The following TMEM266 variants were observed in gnomAD, a reference collection of about 807,000 sequenced individuals.
TMEM266 encodes the protein transmembrane protein 266, also known as Hv1 related protein 1.
TMEM266 carries 33 observed loss-of-function variants against 50.5 expected under a neutral mutation model. The observed-to-expected ratio is 0.65, with a 90% CI of 0.50 to 0.87. TMEM266 has a LOEUF of 0.87. TMEM266 is among the 40% of genes least tolerant of loss of function. TMEM266 has a pLI of 0.00. For missense variants in TMEM266, 655 were observed against 695.1 expected (o/e 0.94, Z 0.65); for synonymous variants, 310 against 292.3 (o/e 1.06, Z -0.62).
At chr15:76,158,772 C>G (rs2037966269) in intron 4 of TMEM266, among the ~76,000 whole-genome samples, 1 of 152,192 alleles carries the variant, frequency 6.6e-6, no homozygotes, top group African/African-American at 2.4e-5. Context: ...CCTCTTCGTT[C>G]CCACTGGTAT....
intron 8 of TMEM266, chr15:76,175,916 C>G (rs1212307989): frequency 8.3e-5 from 33 of 399,514 alleles, no homozygotes; most frequent in Non-Finnish European, 4.6e-6. Context: ...TCCACTGTAG[C>G]ACGGTGACTC....
At position 76,132,755 on chromosome 15, in the gene TMEM266, A is replaced by T. The variant is rs978357732; in HGVS notation, c.-96-1413A>T. Among the ~76,000 whole-genome samples, 14 of 150,906 alleles carry T rather than the reference A, an allele frequency of 9.3e-5. 1 individual carries two copies. The highest frequency in any genetic ancestry group is 3.4e-4 in the African/African-American group (14 of 41,146). ...GGTTGCAGTGAGCCAAAATTGCGCC[A>T]CTGCACTCCAGCCTGGGAGATAGAG... is the stretch of plus-strand genomic sequence containing the variant. On this transcript the variant is annotated intron_variant, in intron 1 of 10. Coordinates refer to ENST00000388942, the MANE Select transcript of TMEM266 (RefSeq NM_152335.3).
chr15:76,134,122 T>C, intron 1 of TMEM266, 46 bp from the exon 2 acceptor site: 1 of 804,484 alleles, frequency 1.2e-6, no homozygotes, highest in Non-Finnish European at 2.0e-6. Context: ...TTAGGAGGAC[T>C]TTGGTTTGGC....
In TMEM266 at chr15:76,185,906, A is replaced by AT. The variant is rs1169665207; in HGVS notation, c.769-6060dup. On this transcript the variant is annotated intron_variant, in intron 8 of 10. Coordinates refer to ENST00000388942, the MANE Select transcript of TMEM266 (RefSeq NM_152335.3). ...GGAATTCAGTGAGTCCATTTGCCTT[A>AT]TTGGACACACAGTGAAACCAAGGCC... Among the ~76,000 whole-genome samples, 8 of 152,256 alleles carry AT rather than the reference A, an allele frequency of 5.3e-5. No homozygotes were observed. In the East Asian group the frequency reaches 1.5e-3, roughly 29 times the overall value.
At chr15:76,170,227 T>G (rs973371124) in intron 6 of TMEM266, among the ~76,000 whole-genome samples, 2 of 152,222 alleles carry the variant, frequency 1.3e-5, no homozygotes, top group Non-Finnish European at 2.9e-5. Flanking sequence ...CTTCTCAGGC[T>G]GGGTTTCCGT....
At chr15:76,086,240 CATT>C (rs1369471568) in intron 1 of TMEM266, among the ~76,000 whole-genome samples, 1 of 152,114 alleles carries the variant, frequency 6.6e-6, no homozygotes, top group East Asian at 1.9e-4. Context: ...GAGTCTCAGA[CATT>C]ATGTTGAGCT....
intron 8 of TMEM266, chr15:76,191,499 G>T: frequency 6.5e-6 from 1 of 153,580 alleles, no homozygotes. Context: ...GTTCAGACCA[G>T]CGGGCAGTGA....
intron 1 of TMEM266, among the ~76,000 whole-genome samples, chr15:76,079,527 C>T (rs533187589): frequency 2.7e-5 from 4 of 150,606 alleles, no homozygotes; most frequent in East Asian, 2.0e-4. Flanking sequence ...TGGTGGCTCA[C>T]GCCTGTAGTC....
At position 76,192,154 on chromosome 15, in the gene TMEM266, C is replaced by T; in HGVS notation, c.955C>T (p.Gln319Ter). The stretch of plus-strand genomic sequence containing the variant: ...CGTCGTGGAGGAGCTGCAGCCCTCG[C>T]AAGGTAAGCCCGGGTCTCCACCCGG... The change falls in exon 9 of 11, where the codon CAA becomes TAA. Residue 319 changes from glutamine to a stop codon, truncating the protein, a stop_gained. Transcript: ENST00000388942. LOFTEE classifies it high-confidence loss of function. 1 of 1,399,404 alleles carries T rather than the reference C, an allele frequency of 7.1e-7. No homozygotes were observed. The allele number at this position is 1,399,404 out of a possible 1,614,324, so 86.7% of individuals were successfully genotyped here. A position where few individuals can be genotyped will look rare whatever the true frequency, so the allele number is the denominator to read the frequency against.
At chr15:76,194,286 G>A (rs1483319335) in intron 9 of TMEM266, among the ~76,000 whole-genome samples, 2 of 152,174 alleles carry the variant, frequency 1.3e-5, no homozygotes, top group African/African-American at 2.4e-5. Flanking sequence ...ACAACCCATC[G>A]CCAATTCCTG....
intron 5 of TMEM266, among the ~76,000 whole-genome samples, chr15:76,169,111 T>C (rs2038145902): frequency 6.6e-6 from 1 of 152,196 alleles, no homozygotes; most frequent in Non-Finnish European, 1.5e-5. Flanking sequence ...ATCACACTTA[T>C]GCACCCAATT....
intron 1 of TMEM266, among the ~76,000 whole-genome samples, chr15:76,089,093 CA>C (rs1213055800): frequency 4.6e-4 from 21 of 45,236 alleles, no homozygotes; most frequent in East Asian, 4.5e-3. Flanking sequence ...GACTCTGTCT[CA>C]AAAAAAAAAA....
intron 1 of TMEM266, among the ~76,000 whole-genome samples, chr15:76,106,055 A>G (rs1167239574): frequency 1.3e-5 from 2 of 152,158 alleles, no homozygotes; most frequent in African/African-American, 4.8e-5. Context: ...TCCCAGATGC[A>G]CAGGCCCCCA....
intron 1 of TMEM266, among the ~76,000 whole-genome samples, chr15:76,067,559 G>A (rs894588722): frequency 2.7e-5 from 4 of 150,134 alleles, no homozygotes; most frequent in African/African-American, 9.8e-5. Context: ...CTTGAACCCT[G>A]GAGGCGGAGG....
intron 1 of TMEM266, among the ~76,000 whole-genome samples, chr15:76,132,813 AATTATTATTATTATTATT>A (rs58869632): frequency 7.4e-6 from 1 of 135,024 alleles, no homozygotes; most frequent in Admixed American, 7.7e-5. Flanking sequence ...TAATAATAGT[AATTATTATTATTATTATT>A]ATTATTATTA....
chr15:76,111,021 A>C (rs1424745143), intron 1 of TMEM266, among the ~76,000 whole-genome samples: 1 of 151,978 alleles, frequency 6.6e-6, no homozygotes, highest in Non-Finnish European at 1.5e-5. Context: ...AGGAACTCTC[A>C]TTCACTGCTG....
In TMEM266 at chr15:76,137,720, G is replaced by C; in HGVS notation, c.52G>C (p.Gly18Arg). 1 of 1,614,136 alleles carries C rather than the reference G, an allele frequency of 6.2e-7. No individual in the cohort carries two copies. Among genetic ancestry groups the C allele is most frequent in the Non-Finnish European group, 8.5e-7 (1 of 1,180,012 alleles). ...TCTCCAACCCAGGCCTGCCATAGAAGGAGGAATTTCTGAAGTTGAGATCAT... is the reference window on the plus strand; with the variant it reads ...TCTCCAACCCAGGCCTGCCATAGAACGAGGAATTTCTGAAGTTGAGATCAT... The change falls in exon 3 of 11, where the codon GGA becomes CGA. Residue 18 changes from glycine (G) to arginine (R), a missense_variant. This residue lies in a region of TMEM266 where 99 missense variants were observed against 110.8 expected (regional missense o/e 0.89). Transcript: ENST00000388942.
At position 76,143,235 on chromosome 15, in the gene TMEM266, G is replaced by A. The variant is rs555850980; in HGVS notation, c.227+5340G>A. Reference sequence around the variant, plus strand: ...GTCTCGTGTCCTCCCCTGACTCCACGTCCCTGCTAGCCACCATTACCTCTC... The same window carrying A: ...GTCTCGTGTCCTCCCCTGACTCCACATCCCTGCTAGCCACCATTACCTCTC... On this transcript the variant is annotated intron_variant, in intron 3 of 10. Coordinates refer to ENST00000388942, the MANE Select transcript of TMEM266 (RefSeq NM_152335.3). 7.1e-4 allele frequency among the ~76,000 whole-genome samples: 108 copies of A among 152,102 alleles called. 1 individual carries two copies. The highest frequency in any genetic ancestry group is 1.1e-3 in the Non-Finnish European group (72 of 68,000).
rs1230255649 is a variant in TMEM266, at chr15:76,203,779, A to G, written c.1060A>G (p.Thr354Ala). ...AGAGCCAGCTGTGTGTATGGTCACCACGGCCGCAATAGACATTCACCAGCC... is the reference window on the plus strand; with the variant it reads ...AGAGCCAGCTGTGTGTATGGTCACCGCGGCCGCAATAGACATTCACCAGCC... The change falls in exon 11 of 11, where the codon ACG becomes GCG. Residue 354 changes from threonine to alanine, a missense_variant. This residue lies in a region of TMEM266 where 455 missense variants were observed against 401.8 expected (regional missense o/e 1.13). Transcript: ENST00000388942. 2 of 1,614,066 alleles carry G rather than the reference A, an allele frequency of 1.2e-6. No individual in the cohort carries two copies. Among genetic ancestry groups the G allele is most frequent in the Non-Finnish European group, 1.7e-6 (2 of 1,179,986 alleles).
Sources: gnomAD v4.1 joint callset for allele counts (sites outside exome capture counted in the v4.1 genomes callset) on GRCh38, gnomAD v4.1.1 for gene constraint, gnomAD v4.1.1 regional missense constraint, MANE v1.5 for transcripts, NCBI Gene and HGNC (gene_info 2026-07-23, HGNC 2026-07-21) for gene names.